Variants in MAST3 observed in about 807,000 individuals in gnomAD.
MAST3 encodes microtubule-associated serine/threonine-protein kinase 3.
Under a neutral mutation model 127.0 loss-of-function variants are expected in MAST3, and 43 were observed. The observed-to-expected ratio is 0.34, with a 90% CI of 0.27 to 0.44. The LOEUF is 0.44. MAST3 is among the 20% of genes least tolerant of loss of function. The probability of loss-of-function intolerance (pLI) is 1.00; values close to 1 mark genes in which losing one functional copy is unlikely to be tolerated. For missense variants in MAST3, 1,390 were observed against 1,919.1 expected (o/e 0.72, Z 5.15); for synonymous variants, 785 against 809.2 (o/e 0.97, Z 0.51).
chr19:18,145,239 G>T lies in MAST3; in HGVS notation c.3039+10G>T, dbSNP rs776783269. On this transcript the variant is annotated intron_variant, in intron 24 of 27. Transcript: ENST00000687212. This position sits in a 1 kb window ranked among gnomAD's most constrained non-coding sequence, Gnocchi z 5.9. The stretch of plus-strand genomic sequence containing the variant: ...GCACCACGTCGTCTGGGTGAGTGCC[G>T]AGTGGGAATGGCAGGGACCCGGGTT... 2 of 1,609,986 alleles carry T rather than the reference G, an allele frequency of 1.2e-6. No individual in the cohort carries two copies. The highest frequency in any genetic ancestry group is 1.1e-5 in the South Asian group (1 of 91,026).
intron 21 of MAST3, 58 bp from the exon 22 acceptor site, chr19:18,143,705 T>C: frequency 6.2e-7 from 1 of 1,601,232 alleles, no homozygotes; most frequent in Non-Finnish European, 8.5e-7. Flanking sequence ...TGAAGGTGGC[T>C]GAGTATCCTG....
At chr19:18,142,628 G>T (rs947337371) in intron 21 of MAST3, among the ~76,000 whole-genome samples, 2 of 151,344 alleles carry the variant, frequency 1.3e-5, no homozygotes, top group Non-Finnish European at 2.9e-5. Context: ...AGGATTACAG[G>T]CGTGAGCCAA....
chr19:18,113,933 CG>C (rs2038938342), intron 3 of MAST3, among the ~76,000 whole-genome samples: 1 of 152,208 alleles, frequency 6.6e-6, no homozygotes, highest in Non-Finnish European at 1.5e-5. Context: ...TCCATCTCCC[CG>C]TCGCTCACTT....
rs1387369001 is a variant in MAST3, at chr19:18,123,882, G to T, written c.634-57G>T. The T allele has an allele frequency of 2.7e-6, 4 of 1,470,216 alleles. No homozygotes were observed. The Admixed American group carries it at 7.9e-5, about 29-fold the overall frequency. 91.1% of individuals were successfully genotyped at this position (1,470,216 alleles called of 1,614,324 possible). On this transcript the variant is annotated intron_variant, in intron 8 of 27. Transcript: ENST00000687212. Reference sequence around the variant, plus strand: ...AACCATGCCTCTCCTGCCCCATTCTGCGTGTGTCACTCCAGCCCCGCCCTC... The same window carrying T: ...AACCATGCCTCTCCTGCCCCATTCTTCGTGTGTCACTCCAGCCCCGCCCTC...
In MAST3 at chr19:18,130,509, G is replaced by A; in HGVS notation, c.1239G>A (p.Val413=). Residue 413 remains valine, a synonymous_variant, in exon 14 of 28, where the codon GTG becomes GTA. Coordinates refer to ENST00000687212, the MANE Select transcript of MAST3 (RefSeq NM_001393504.1). Reference sequence around the variant, plus strand: ...CTGTCCCCAGGGCCGTCTACCTGGTGCGGCACCGTGACACACGGCAGCGCT... The same window carrying A: ...CTGTCCCCAGGGCCGTCTACCTGGTACGGCACCGTGACACACGGCAGCGCT... ...SNGAYGAVYL[V]RHRDTRQRFA... 4.4e-6 allele frequency: 7 copies of A among 1,603,786 alleles called. No individual in the cohort carries two copies. The highest frequency in any genetic ancestry group is 6.0e-6 in the Non-Finnish European group (7 of 1,174,968).
At chr19:18,124,600 G>A in intron 10 of MAST3, 42 bp from the exon 11 acceptor site, 1 of 1,529,058 alleles carries the variant, frequency 6.5e-7, no homozygotes, top group Admixed American at 2.2e-5. Context: ...AGGCCTGCAG[G>A]TGGAACCAAG....
intron 21 of MAST3, among the ~76,000 whole-genome samples, chr19:18,142,925 A>G (rs1487249200): frequency 6.6e-6 from 1 of 151,864 alleles, no homozygotes; most frequent in African/African-American, 2.4e-5. Context: ...AGCCTGGTCA[A>G]CATGGCAAAA....
chr19:18,101,368 T>TCTCCTCCTC (rs79073885), intron 1 of MAST3, among the ~76,000 whole-genome samples: 41 of 142,452 alleles, frequency 2.9e-4, no homozygotes, highest in Admixed American at 1.2e-3. Flanking sequence ...TCCTTCTCCT[T>TCTCCTCCTC]CTCCTCCTCC....
At chr19:18,122,594 G>A (rs2147190534) in intron 5 of MAST3, 79 bp from the exon 6 acceptor site, 12 of 1,217,604 alleles carry the variant, frequency 9.9e-6, no homozygotes, top group South Asian at 2.6e-5. Flanking sequence ...AGAATATGCT[G>A]GCCACAGTGT....
chr19:18,124,605 A>G, intron 10 of MAST3, 37 bp from the exon 11 acceptor site: 1 of 1,531,658 alleles, frequency 6.5e-7, no homozygotes. Flanking sequence ...TGCAGGTGGA[A>G]CCAAGCCCTG....
At chr19:18,108,112 G>A (rs976743397) in intron 2 of MAST3, among the ~76,000 whole-genome samples, 1 of 152,042 alleles carries the variant, frequency 6.6e-6, no homozygotes, top group African/African-American at 2.4e-5. Context: ...CCAACATGGT[G>A]AAACCCCGTC....
chr19:18,124,020 G>T lies in MAST3; in HGVS notation c.715G>T (p.Val239Phe). Residue 239 changes from valine (V) to phenylalanine (F), a missense_variant, in exon 9 of 28, where the codon GTC becomes TTC. Physicochemically the swap from Val to Phe is conservative, Grantham distance 50. Coordinates refer to ENST00000687212, the MANE Select transcript of MAST3 (RefSeq NM_001393504.1). ...CGCCCGGCTGGCGCTGGCTGATGGC[G>T]TCTTGGGCTTCATCCACCACCAGAT... ...PGARLALADG[V>F]LGFIHHQIVE... The T allele has an allele frequency of 3.1e-6, 5 of 1,600,386 alleles. No homozygotes were observed. The highest frequency in any genetic ancestry group is 4.3e-6 in the Non-Finnish European group (5 of 1,174,260).
intron 15 of MAST3, among the ~76,000 whole-genome samples, chr19:18,134,223 A>ATAT (rs71164371): frequency 1.3e-5 from 2 of 151,060 alleles, no homozygotes; most frequent in Non-Finnish European, 3.0e-5. Flanking sequence ...ACACTAAAAA[A>ATAT]ATATATATAT....
rs73925427 is a variant in MAST3 at position 18,145,157 on chromosome 19, C to T, written c.2967C>T (p.Tyr989=). 4,335 of 1,613,888 alleles carry T rather than the reference C, an allele frequency of 2.7e-3. 87 individuals carry two copies. In the African/African-American group the frequency reaches 0.048, roughly 18 times the overall value. The part of the protein sequence containing the change: ...PIVIHSSGKK[Y]GFSLRAIRVY... Reference sequence around the variant, plus strand: ...TTATCCACAGCTCTGGCAAGAAGTACGGCTTCAGCCTGCGGGCGATCCGCG... The same window carrying T: ...TTATCCACAGCTCTGGCAAGAAGTATGGCTTCAGCCTGCGGGCGATCCGCG... The change falls in exon 24 of 28, where the codon TAC becomes TAT. Residue 989 remains tyrosine, a synonymous_variant. Coordinates refer to ENST00000687212, the MANE Select transcript of MAST3 (RefSeq NM_001393504.1). The surrounding 1 kb of genome is among the most constrained non-coding windows in gnomAD (Gnocchi z 5.9).
intron 3 of MAST3, among the ~76,000 whole-genome samples, chr19:18,117,717 G>A (rs1040005794): frequency 1.3e-5 from 2 of 152,218 alleles, no homozygotes; most frequent in Non-Finnish European, 2.9e-5. Flanking sequence ...GATGGAGGGA[G>A]CGATTAGATT....
chr19:18,114,126 A>G (rs1257691807), intron 3 of MAST3, among the ~76,000 whole-genome samples: 1 of 151,370 alleles, frequency 6.6e-6, no homozygotes, highest in Admixed American at 6.6e-5. Flanking sequence ...AGGCCCCACA[A>G]ACATGGGGTA....
rs999986284 is a variant in MAST3, at chr19:18,151,372, G to A, written c.*1646G>A. ...AGCGAGGGGCGGAGACCTGTCCCAC[G>A]ATCACCCAGCAGGAGTCGTGGCAGA... On this transcript the variant is annotated 3_prime_UTR_variant, in exon 28 of 28. Coordinates refer to ENST00000687212, the MANE Select transcript of MAST3 (RefSeq NM_001393504.1). The A allele has an allele frequency of 3.3e-5, 5 of 152,198 alleles. No individual in the cohort carries two copies. The highest frequency in any genetic ancestry group is 1.2e-4 in the African/African-American group (5 of 41,448). The allele number at this position is 152,198 out of a possible 1,614,324, so 9.4% of individuals were successfully genotyped here.
At chr19:18,118,335 C>A in intron 3 of MAST3, 3 of 823,996 alleles carry the variant, frequency 3.6e-6, no homozygotes, top group Non-Finnish European at 4.4e-6. Flanking sequence ...GGCCGCGTGG[C>A]GCGGACCACG....
intron 2 of MAST3, among the ~76,000 whole-genome samples, chr19:18,108,493 C>T (rs1205556704): frequency 6.6e-6 from 1 of 151,822 alleles, no homozygotes; most frequent in African/African-American, 2.4e-5. Context: ...CCCGCCTCAG[C>T]CTCCAGAGTA....
Sources: allele counts gnomAD v4.1 joint callset (sites outside exome capture counted in the v4.1 genomes callset), GRCh38; gene constraint gnomAD v4.1.1; non-coding constraint Gnocchi (gnomAD v3.1); transcripts MANE v1.5; gene names NCBI Gene and HGNC (gene_info 2026-07-23, HGNC 2026-07-21).